The following SGCD variants were observed in gnomAD, a reference collection of about 807,000 sequenced individuals.
SGCD encodes the protein sarcoglycan delta, also known as delta-sarcoglycan.
A neutral mutation model predicts 36.6 loss-of-function variants in SGCD; 18 were observed. That is an observed-to-expected ratio of 0.49 (90% CI 0.34 to 0.73). The LOEUF is 0.73. Ranked by LOEUF, SGCD falls within the 30% of genes least tolerant of loss-of-function variation. The pLI is 0.01. For missense variants in SGCD, 387 were observed against 346.7 expected, an observed-to-expected ratio of 1.12 and a Z score of -0.92; for synonymous variants, 133 against 130.6, an observed-to-expected ratio of 1.02 and a Z score of -0.12.
At chr5:156,429,264 T>TC (rs1349291278) in intron 3 of SGCD, among the ~76,000 whole-genome samples, 1 of 131,518 alleles carries the variant, frequency 7.6e-6, no homozygotes, top group Non-Finnish European at 1.5e-5. Context: ...TCCCTCATTG[T>TC]CTTTTTTTTT....
intron 3 of SGCD, among the ~76,000 whole-genome samples, chr5:156,174,457 T>C (rs1335540530): frequency 6.6e-6 from 1 of 152,110 alleles, no homozygotes; most frequent in African/African-American, 2.4e-5. Flanking sequence ...GTAAGAGAGA[T>C]TGGAAGGGGC....
intron 6 of SGCD, among the ~76,000 whole-genome samples, chr5:156,598,895 G>A (rs560345757): frequency 5.3e-5 from 8 of 152,258 alleles, no homozygotes; most frequent in South Asian, 2.1e-4. Flanking sequence ...GGGTATTTTC[G>A]TTGTTGTTTG....
intron 1 of SGCD, among the ~76,000 whole-genome samples, chr5:155,907,936 C>G (rs1279656563): frequency 6.6e-6 from 1 of 152,058 alleles, no homozygotes; most frequent in Non-Finnish European, 1.5e-5. Flanking sequence ...AAGAAAGAGT[C>G]AACCAAGGCT....
intron 6 of SGCD, among the ~76,000 whole-genome samples, chr5:156,605,306 T>C (rs1288866508): frequency 2.6e-5 from 4 of 152,116 alleles, no homozygotes; most frequent in Non-Finnish European, 5.9e-5. Flanking sequence ...CAGTGTTTGG[T>C]TTTTTGTCCT....
chr5:156,126,603 A>G (rs1762177513), intron 3 of SGCD, among the ~76,000 whole-genome samples: 1 of 152,156 alleles, frequency 6.6e-6, no homozygotes, highest in East Asian at 1.9e-4. Context: ...AGGGAAGAAG[A>G]AGGAAATGAG....
At chr5:156,600,646 A>G (rs1761153921) in intron 6 of SGCD, among the ~76,000 whole-genome samples, 2 of 152,106 alleles carry the variant, frequency 1.3e-5, no homozygotes, top group South Asian at 4.1e-4. Context: ...GGAACTTAAG[A>G]CATCTCTTTG....
chr5:156,002,367 G>A (rs1241113286), intron 1 of SGCD, among the ~76,000 whole-genome samples: 4 of 152,172 alleles, frequency 2.6e-5, no homozygotes, highest in Non-Finnish European at 5.9e-5. Flanking sequence ...TTCCAGAATT[G>A]TGAGAAAATA....
intron 3 of SGCD, among the ~76,000 whole-genome samples, chr5:156,303,108 G>C (rs1192093552): frequency 6.6e-6 from 1 of 152,148 alleles, no homozygotes; most frequent in African/African-American, 2.4e-5. Flanking sequence ...ATGCCATCTG[G>C]GAGGTAGGGT....
intron 1 of SGCD, among the ~76,000 whole-genome samples, chr5:156,086,646 AT>A (rs766714782): frequency 2.0e-5 from 3 of 152,154 alleles, no homozygotes; most frequent in Non-Finnish European, 4.4e-5. Flanking sequence ...GTGGGGAAGA[AT>A]TTCATAGGTG....
At chr5:156,735,323 CCCAAAGG>C (rs1756296086) in intron 7 of SGCD, among the ~76,000 whole-genome samples, 1 of 152,114 alleles carries the variant, frequency 6.6e-6, no homozygotes, top group Non-Finnish European at 1.5e-5. Context: ...CTCTCCAAAG[CCCAAAGG>C]CTGGAACTAC....
At chr5:156,051,976 G>C (rs1019224404) in intron 1 of SGCD, among the ~76,000 whole-genome samples, 2 of 146,128 alleles carry the variant, frequency 1.4e-5, no homozygotes, top group Admixed American at 1.4e-4. Flanking sequence ...GCTAAAGACA[G>C]GGTTCTTGTC....
chr5:156,416,318 A>T (rs1773029926), intron 3 of SGCD, among the ~76,000 whole-genome samples: 1 of 152,212 alleles, frequency 6.6e-6, no homozygotes, highest in East Asian at 1.9e-4. Context: ...CTAAACTGTG[A>T]GGACACAAAG....
At chr5:156,016,156 A>G (rs1398889977) in intron 1 of SGCD, among the ~76,000 whole-genome samples, 1 of 152,152 alleles carries the variant, frequency 6.6e-6, no homozygotes, top group East Asian at 1.9e-4. Flanking sequence ...TAATAGGCTC[A>G]GAACAATACC....
chr5:156,603,977 T>C (rs879124664), intron 6 of SGCD, among the ~76,000 whole-genome samples: 2 of 152,170 alleles, frequency 1.3e-5, no homozygotes, highest in Admixed American at 1.3e-4. Context: ...GATCTTTCCA[T>C]TGTTGAAAGT....
intron 1 of SGCD, among the ~76,000 whole-genome samples, chr5:155,881,311 T>G (rs1401065660): frequency 6.6e-6 from 1 of 151,448 alleles, no homozygotes; most frequent in African/African-American, 2.4e-5. Flanking sequence ...AATAAATAAA[T>G]AAATAAATAA....
At chr5:155,941,751 A>G (rs1375879627) in intron 1 of SGCD, among the ~76,000 whole-genome samples, 1 of 152,230 alleles carries the variant, frequency 6.6e-6, no homozygotes, top group East Asian at 1.9e-4. Flanking sequence ...ATTACTTATC[A>G]TTACCTATAT....
At chr5:156,692,378 G>A (rs1754149079) in intron 7 of SGCD, among the ~76,000 whole-genome samples, 1 of 152,192 alleles carries the variant, frequency 6.6e-6, no homozygotes, top group South Asian at 2.1e-4. Context: ...CTAGATATCT[G>A]CCATTCCTGC....
chr5:155,780,195 T>G, the SGCD span, among the ~76,000 whole-genome samples: 58 of 152,258 alleles, frequency 3.8e-4, no homozygotes, highest in Non-Finnish European at 7.8e-4. Flanking sequence ...ATTAGCTCAT[T>G]GCATGACACC....
chr5:156,086,412 G>A (rs1036361098), intron 1 of SGCD, among the ~76,000 whole-genome samples: 2 of 152,200 alleles, frequency 1.3e-5, no homozygotes, highest in Non-Finnish European at 2.9e-5. Context: ...TAGAGAAATG[G>A]CAAAGGCTCT....
Sources: allele counts gnomAD v4.1 joint callset (sites outside exome capture counted in the v4.1 genomes callset), GRCh38; gene constraint gnomAD v4.1.1; transcripts MANE v1.5; gene names NCBI Gene and HGNC (gene_info 2026-07-23, HGNC 2026-07-21).